RBFOX1: variants seen among roughly 807,000 people sequenced by gnomAD.
RBFOX1 encodes RNA binding protein fox-1 homolog 1.
In RBFOX1, 8 loss-of-function variants were observed where a neutral mutation model predicts 57.7. The ratio of observed to expected loss-of-function variants is 0.14; its 90% CI spans 0.08 to 0.25. RBFOX1 has a LOEUF of 0.25. Among genes scored for constraint, RBFOX1 ranks in the 10% least tolerant of loss-of-function variants. The pLI, the probability that RBFOX1 is intolerant of heterozygous loss-of-function variation, is 1.00. For missense variants in RBFOX1, 611 were observed against 548.5 expected, an observed-to-expected ratio of 1.11 and a Z score of -1.14; for synonymous variants, 326 against 222.4, an observed-to-expected ratio of 1.47 and a Z score of -4.15.
chr16:5,574,938 C>T (rs1460876747), intron 2 of RBFOX1, among the ~76,000 whole-genome samples: 1 of 152,210 alleles, frequency 6.6e-6, no homozygotes, highest in African/African-American at 2.4e-5. Context: ...TCATACCCTG[C>T]AGCTTGATAA....
chr16:6,944,397 GAAAA>G (rs199499186), intron 3 of RBFOX1, among the ~76,000 whole-genome samples: 2 of 106,120 alleles, frequency 1.9e-5, no homozygotes, highest in East Asian at 5.4e-4. Context: ...CCATCTCAGA[GAAAA>G]AAAAAAAAAA....
At chr16:5,909,867 A>G (rs1033100784) in intron 4 of RBFOX1, among the ~76,000 whole-genome samples, 1 of 152,116 alleles carries the variant, frequency 6.6e-6, no homozygotes, top group African/African-American at 2.4e-5. Flanking sequence ...AGCCTGACCA[A>G]TATGGTGAAA....
chr16:6,878,447 C>G (rs1298377523), intron 3 of RBFOX1, among the ~76,000 whole-genome samples: 1 of 152,128 alleles, frequency 6.6e-6, no homozygotes, highest in East Asian at 1.9e-4. Context: ...CTTTGAGAAG[C>G]AACACCACCC....
rs556497496 is a variant in RBFOX1 at position 5,986,798 on chromosome 16, G to C, written c.351+119463G>C. 5.3e-5 allele frequency among the ~76,000 whole-genome samples: 8 copies of C among 152,324 alleles called. No individual in the cohort carries two copies. In the South Asian group the frequency reaches 1.7e-3, roughly 32 times the overall value. ...TCACTTGTTGAAGGACATGTGGGTTGTTTGGGGGTACTGTGAGTGAAGTTG... is the reference window on the plus strand; with the variant it reads ...TCACTTGTTGAAGGACATGTGGGTTCTTTGGGGGTACTGTGAGTGAAGTTG... On this transcript the variant is annotated intron_variant, in intron 4 of 19. Coordinates refer to the RBFOX1 transcript ENST00000641259.
At chr16:6,354,349 G>T (rs936447589) in intron 2 of RBFOX1, among the ~76,000 whole-genome samples, 1 of 152,068 alleles carries the variant, frequency 6.6e-6, no homozygotes, top group Non-Finnish European at 1.5e-5. Context: ...AGCAGGACCC[G>T]CCTGCTCTCC....
intron 14 of RBFOX1, among the ~76,000 whole-genome samples, chr16:7,698,901 A>T (rs1385525638): frequency 6.6e-6 from 1 of 152,178 alleles, no homozygotes; most frequent in Non-Finnish European, 1.5e-5. Context: ...ATTTGTGAAA[A>T]TTAAAGATGT....
chr16:5,958,131 G>C (rs954634100), intron 4 of RBFOX1, among the ~76,000 whole-genome samples: 1 of 152,172 alleles, frequency 6.6e-6, no homozygotes. Context: ...CCTTTGTAGT[G>C]TTTGGGAATG....
chr16:6,472,098 A>G (rs2095189795), intron 2 of RBFOX1, among the ~76,000 whole-genome samples: 1 of 152,002 alleles, frequency 6.6e-6, no homozygotes, highest in Non-Finnish European at 1.5e-5. Context: ...CTACCGACAA[A>G]TTTACCTGAT....
intron 5 of RBFOX1, among the ~76,000 whole-genome samples, chr16:7,549,108 C>T (rs533626926): frequency 6.6e-6 from 1 of 152,286 alleles, no homozygotes; most frequent in South Asian, 2.1e-4. Context: ...TGAGGAGGAT[C>T]CAGTCTGGTA....
intron 3 of RBFOX1, among the ~76,000 whole-genome samples, chr16:6,899,984 C>T (rs550659142): frequency 5.4e-4 from 83 of 152,296 alleles, no homozygotes; most frequent in African/African-American, 1.9e-3. Context: ...ATTTGCCTTT[C>T]TGTGCTTCTG....
rs58391659 is a variant in RBFOX1 at position 7,009,819 on chromosome 16, C to T, written c.-15-42238C>T. Among the ~76,000 whole-genome samples the T allele has an allele frequency of 9.7e-3, 1,469 of 152,198 alleles. 25 individuals carry two copies. Among genetic ancestry groups the T allele is most frequent in the African/African-American group, 0.032 (1,321 of 41,514 alleles). On this transcript the variant is annotated intron_variant, in intron 3 of 15. Transcript: ENST00000550418. Reference sequence around the variant, plus strand: ...TTGTGAAAAATAATACTAGAGCTAACGTGAAAAGTTTGTATTTTAATCAAA... The same window carrying T: ...TTGTGAAAAATAATACTAGAGCTAATGTGAAAAGTTTGTATTTTAATCAAA...
chr16:7,638,908 G>A (rs1026705835), intron 11 of RBFOX1, among the ~76,000 whole-genome samples: 2 of 151,566 alleles, frequency 1.3e-5, no homozygotes, highest in African/African-American at 2.4e-5. Flanking sequence ...CTTGGGGGTG[G>A]AAATAAGGAA....
chr16:6,520,077 C>A (rs2096469307), intron 2 of RBFOX1, among the ~76,000 whole-genome samples: 1 of 152,176 alleles, frequency 6.6e-6, no homozygotes, highest in African/African-American at 2.4e-5. Flanking sequence ...ATTTCGTGAC[C>A]AGAGACCAGG....
intron 2 of RBFOX1, among the ~76,000 whole-genome samples, chr16:5,516,256 G>A (rs1050536770): frequency 2.0e-5 from 3 of 152,062 alleles, no homozygotes; most frequent in Non-Finnish European, 4.4e-5. Context: ...ATCACTTTCT[G>A]TCTCCCATTA....
intron 1 of RBFOX1, among the ~76,000 whole-genome samples, chr16:5,466,562 G>A (rs1479616344): frequency 1.3e-5 from 2 of 152,194 alleles, no homozygotes; most frequent in African/African-American, 4.8e-5. Flanking sequence ...TCCTAGTTCA[G>A]GAGCTGGGGT....
intron 1 of RBFOX1, among the ~76,000 whole-genome samples, chr16:5,336,400 C>T (rs895515468): frequency 1.3e-5 from 2 of 152,166 alleles, no homozygotes; most frequent in East Asian, 1.9e-4. Flanking sequence ...CTATCCTCAT[C>T]GGTAAAACAG....
rs937643727 is a variant in RBFOX1, at chr16:6,598,722, C to G, written c.-63-55881C>G. Among the ~76,000 whole-genome samples, 2 of 152,108 alleles carry G rather than the reference C, an allele frequency of 1.3e-5. 1 individual carries two copies. Among genetic ancestry groups the G allele is most frequent in the South Asian group, 4.2e-4 (2 of 4,798 alleles). On this transcript the variant is annotated intron_variant, in intron 2 of 15. Transcript: ENST00000550418. ...CAGCACTTTGGGTGGCTGAGGCAGG[C>G]AGATCACGAGGTTGGGAGTTCGAGA...
intron 3 of RBFOX1, among the ~76,000 whole-genome samples, chr16:6,656,643 T>C (rs1225116333): frequency 2.0e-5 from 3 of 147,468 alleles, no homozygotes; most frequent in East Asian, 1.9e-4. Flanking sequence ...TCTAGTTTTT[T>C]CATAAATTGT....
chr16:6,799,609 C>A lies in RBFOX1; in HGVS notation c.-16+144959C>A, dbSNP rs190280900. On this transcript the variant is annotated intron_variant, in intron 3 of 15. Coordinates refer to ENST00000550418, the MANE Select transcript of RBFOX1 (RefSeq NM_018723.4). Reference sequence around the variant, plus strand: ...GGCCTGGGAGAGAAAGACCCACCCTCAATCTGTGTTGGCACCATCCAATCA... The same window carrying A: ...GGCCTGGGAGAGAAAGACCCACCCTAAATCTGTGTTGGCACCATCCAATCA... Among the ~76,000 whole-genome samples the A allele has an allele frequency of 8.5e-5, 13 of 152,222 alleles. 1 individual carries two copies. In the Middle Eastern group the frequency reaches 0.01, roughly 119 times the overall value.
Sources: gnomAD v4.1 joint callset for allele counts (sites outside exome capture counted in the v4.1 genomes callset) on GRCh38, gnomAD v4.1.1 for gene constraint, MANE v1.5 for transcripts, NCBI Gene and HGNC (gene_info 2026-07-23, HGNC 2026-07-21) for gene names.